RNF6: variants seen among roughly 807,000 people sequenced by gnomAD.
The protein encoded by RNF6 is E3 ubiquitin-protein ligase RNF6.
A neutral mutation model predicts 50.1 loss-of-function variants in RNF6; 21 were observed. That is an observed-to-expected ratio of 0.42 (90% CI 0.30 to 0.60). The LOEUF is 0.60. Ranked by LOEUF, RNF6 falls within the 20% of genes least tolerant of loss-of-function variation. RNF6 has a pLI of 0.20. For missense variants in RNF6, 698 were observed against 838.2 expected, an observed-to-expected ratio of 0.83 and a Z score of 2.07; for synonymous variants, 255 against 291.8, an observed-to-expected ratio of 0.87 and a Z score of 1.29.
chr13:26,208,751 G>C (rs746003748), downstream of RNF6, among the ~76,000 whole-genome samples: 1 of 152,128 alleles, frequency 6.6e-6, no homozygotes, highest in South Asian at 2.1e-4. Flanking sequence ...GATCCCAATT[G>C]GTTGGAGTAA....
At chr13:26,204,625 C>A (rs1425591847) in intron 5 of RNF6, among the ~76,000 whole-genome samples, 3 of 151,970 alleles carry the variant, frequency 2.0e-5, no homozygotes, top group Non-Finnish European at 4.4e-5. Flanking sequence ...CCTCGAGAGC[C>A]CAAAAAGGAT....
At chr13:26,203,978 CT>C (rs1407378649) in intron 5 of RNF6, among the ~76,000 whole-genome samples, 1 of 151,092 alleles carries the variant, frequency 6.6e-6, no homozygotes, top group African/African-American at 2.5e-5. Context: ...CAAACAAAAA[CT>C]GCAATGCAGT....
Position 26,185,159 on chromosome 13 carries a change from G to A in RNF6, n.768+30315C>T, listed in dbSNP as rs188135022. Among the ~76,000 whole-genome samples, 289 of 152,040 alleles carry A rather than the reference G, an allele frequency of 1.9e-3. 3 individuals are homozygous for A. In the South Asian group the frequency reaches 0.028, roughly 15 times the overall value. ...CAACAGGCGCACACCACCATGCCCG[G>A]CTAATTTTTTCAAATTATTTTTTGT... On this transcript the variant is annotated intron_variant and non_coding_transcript_variant, in intron 5 of 5. Transcript: ENST00000468480.
intron 5 of RNF6, among the ~76,000 whole-genome samples, chr13:26,177,303 T>G (rs1404755226): frequency 1.3e-5 from 2 of 152,098 alleles, no homozygotes; most frequent in Non-Finnish European, 2.9e-5. Context: ...ACTCCTCAAC[T>G]CAGTAGAAAC....
downstream of RNF6, among the ~76,000 whole-genome samples, chr13:26,209,598 C>T (rs1869236340): frequency 6.6e-6 from 1 of 152,162 alleles, no homozygotes; most frequent in Admixed American, 6.5e-5. Flanking sequence ...ACCTAGAAAA[C>T]CTGAACTCAG....
chr13:26,222,338 A>C (rs1870607518), upstream of RNF6: 1 of 152,264 alleles, frequency 6.6e-6, no homozygotes, highest in Admixed American at 6.5e-5. Context: ...GTCGGGAGCT[A>C]GGGTGCCTGG....
At chr13:26,198,520 C>A (rs1868767526) in intron 5 of RNF6, among the ~76,000 whole-genome samples, 1 of 151,894 alleles carries the variant, frequency 6.6e-6, no homozygotes, top group African/African-American at 2.4e-5. Flanking sequence ...ACCATCACAG[C>A]ATCTATGAAA....
At chr13:26,197,830 C>G (rs1223357527) in intron 5 of RNF6, among the ~76,000 whole-genome samples, 1 of 151,742 alleles carries the variant, frequency 6.6e-6, no homozygotes, top group Non-Finnish European at 1.5e-5. Flanking sequence ...CTGAGACCAT[C>G]CTGGCTAACA....
chr13:26,221,457 C>A (rs114551346), intron 1 of RNF6, 127 bp from the exon 2 acceptor site: 4 of 152,206 alleles, frequency 2.6e-5, no homozygotes, highest in Non-Finnish European at 5.9e-5. Flanking sequence ...TTAGACACAT[C>A]TAGAAAATTA....
At chr13:26,166,846 G>T (rs1458295898) in intron 5 of RNF6, among the ~76,000 whole-genome samples, 1 of 152,162 alleles carries the variant, frequency 6.6e-6, no homozygotes, top group Admixed American at 6.5e-5. Context: ...CTTGAAACCA[G>T]GAGGCAGAGG....
chr13:26,202,081 G>T (rs1485844263), intron 5 of RNF6, among the ~76,000 whole-genome samples: 1 of 152,180 alleles, frequency 6.6e-6, no homozygotes, highest in Non-Finnish European at 1.5e-5. Flanking sequence ...TGGCAGTCTG[G>T]CCAAAATGAA....
At chr13:26,175,008 C>T (rs1359131675) in intron 5 of RNF6, among the ~76,000 whole-genome samples, 1 of 152,186 alleles carries the variant, frequency 6.6e-6, no homozygotes, top group African/African-American at 2.4e-5. Flanking sequence ...GAAGGGGACA[C>T]AATCAGGTGC....
At chr13:26,140,931 G>T (rs1321862919) in intron 5 of RNF6, among the ~76,000 whole-genome samples, 1 of 152,144 alleles carries the variant, frequency 6.6e-6, no homozygotes, top group Non-Finnish European at 1.5e-5. Flanking sequence ...GGAGGTGAAA[G>T]ATCTCTACAA....
chr13:26,209,369 C>A (rs1456883931), downstream of RNF6, among the ~76,000 whole-genome samples: 1 of 152,252 alleles, frequency 6.6e-6, no homozygotes, highest in African/African-American at 2.4e-5. Flanking sequence ...TTGTTTCTAT[C>A]ATTCATCCTG....
intron 5 of RNF6, among the ~76,000 whole-genome samples, chr13:26,163,090 C>A (rs1284610092): frequency 6.7e-6 from 1 of 149,730 alleles, no homozygotes; most frequent in Non-Finnish European, 1.5e-5. Context: ...GCGGGTGGAT[C>A]ACGAGGTCAG....
chr13:26,141,841 G>T (rs919439216), intron 5 of RNF6, among the ~76,000 whole-genome samples: 2 of 151,944 alleles, frequency 1.3e-5, no homozygotes, highest in East Asian at 1.9e-4. Flanking sequence ...TATGACCAAA[G>T]AATTTATTCT....
chr13:26,175,076 G>A (rs985880263), intron 5 of RNF6, among the ~76,000 whole-genome samples: 8 of 152,100 alleles, frequency 5.3e-5, no homozygotes, highest in South Asian at 4.2e-4. Context: ...CCCCATTGGC[G>A]TCCGGTGCCT....
In RNF6 at chr13:26,171,117, G is replaced by A. The variant is rs116643344; in HGVS notation, n.769-38666C>T. Among the ~76,000 whole-genome samples the A allele has an allele frequency of 1.3e-3, 197 of 152,198 alleles. 1 individual carries two copies. Among genetic ancestry groups the A allele is most frequent in the African/African-American group, 4.5e-3 (186 of 41,558 alleles). On this transcript the variant is annotated intron_variant and non_coding_transcript_variant, in intron 5 of 5. Coordinates refer to the RNF6 transcript ENST00000468480. ...AAGGATTCTATCAAGAAAATGGAAA[G>A]ACAACAGAATGGGAGAAAATATTTG... is the stretch of plus-strand genomic sequence containing the variant.
intron 5 of RNF6, among the ~76,000 whole-genome samples, chr13:26,142,674 G>A (rs1871020329): frequency 6.6e-6 from 1 of 152,030 alleles, no homozygotes. Context: ...TAAATCTTGG[G>A]TACACACAGA....
Sources: allele counts gnomAD v4.1 joint callset (sites outside exome capture counted in the v4.1 genomes callset), GRCh38; gene constraint gnomAD v4.1.1; transcripts MANE v1.5; gene names NCBI Gene and HGNC (gene_info 2026-07-23, HGNC 2026-07-21).